The following INSR variants were observed in gnomAD, a reference collection of about 807,000 sequenced individuals.
INSR encodes the protein IR.
In INSR, 67 loss-of-function variants were observed where a neutral mutation model predicts 142.6. The observed-to-expected ratio is 0.47, with a 90% CI of 0.39 to 0.58. The LOEUF is 0.58. Ranked by LOEUF, INSR falls within the 20% of genes least tolerant of loss-of-function variation. The probability of loss-of-function intolerance (pLI) is 0.00; values close to 1 mark genes in which losing one functional copy is unlikely to be tolerated. For synonymous variants in INSR, 756 were observed against 743.1 expected (o/e 1.02, Z -0.28); for missense variants, 1,248 against 1,833.2 (o/e 0.68, Z 5.83).
intron 1 of INSR, among the ~76,000 whole-genome samples, chr19:7,290,752 T>TGAC (rs939777636): frequency 9.1e-6 from 1 of 110,210 alleles, no homozygotes; most frequent in African/African-American, 3.7e-5. Flanking sequence ...GGTGACAGAG[T>TGAC]GACACCCTGT....
chr19:7,135,794 C>T (rs544459677), intron 13 of INSR, among the ~76,000 whole-genome samples: 1 of 151,852 alleles, frequency 6.6e-6, no homozygotes, highest in South Asian at 2.1e-4. Context: ...CATGGTGAAA[C>T]CTCGTCTCTA....
chr19:7,232,718 G>A (rs1181157442), intron 2 of INSR, among the ~76,000 whole-genome samples: 1 of 151,758 alleles, frequency 6.6e-6, no homozygotes, highest in African/African-American at 2.4e-5. Flanking sequence ...GCTGAGGCAG[G>A]AGAATGGCGT....
At chr19:7,229,213 A>ATGGATGGG (rs1157543990) in intron 2 of INSR, among the ~76,000 whole-genome samples, 3 of 149,084 alleles carry the variant, frequency 2.0e-5, no homozygotes, top group African/African-American at 7.4e-5. Context: ...GGATGGATGG[A>ATGGATGGG]TGGATAATAG....
chr19:7,123,168 A>AT lies in INSR; in HGVS notation c.3259-180dup, dbSNP rs112479369. The AT allele has an allele frequency of 5.0e-3, 2,427 of 481,258 alleles. 3 individuals carry two copies. Among genetic ancestry groups the AT allele is most frequent in the African/African-American group, 0.011 (536 of 49,252 alleles). The allele number at this position is 481,258 out of a possible 1,614,324, so 29.8% of individuals were successfully genotyped here. Reference sequence around the variant, plus strand: ...GGACAGCAGACAGATAGGCCTTTGTATTTTTTTTTTTTTAATTTTCGAGAC... The same window carrying AT: ...GGACAGCAGACAGATAGGCCTTTGTATTTTTTTTTTTTTTAATTTTCGAGAC... On this transcript the variant is annotated intron_variant, in intron 17 of 21. Coordinates refer to ENST00000302850, the MANE Select transcript of INSR (RefSeq NM_000208.4).
Position 7,208,438 on chromosome 19 carries a change from C to T in INSR, c.653-23801G>A, listed in dbSNP as rs144185962. Among the ~76,000 whole-genome samples the T allele has an allele frequency of 1.8e-3, 277 of 152,190 alleles. 2 individuals are homozygous for T. Among genetic ancestry groups the T allele is most frequent in the Admixed American group, 2.7e-3 (41 of 15,278 alleles). ...CTTAGCAACCGGAAAAAAAAAATCCCTGAAAAATTAAACAGCAGATACCCA... is the reference window on the plus strand; with the variant it reads ...CTTAGCAACCGGAAAAAAAAAATCCTTGAAAAATTAAACAGCAGATACCCA... On this transcript the variant is annotated intron_variant, in intron 2 of 21. Coordinates refer to ENST00000302850, the MANE Select transcript of INSR (RefSeq NM_000208.4).
Position 7,124,541 on chromosome 19 carries a change from GAAAAAAAAAAAAAAAAAAAAAAAA to G in INSR, c.3258+718_3258+741del, listed in dbSNP as rs531613079. On this transcript the variant is annotated intron_variant, in intron 17 of 21. Coordinates refer to ENST00000302850, the MANE Select transcript of INSR (RefSeq NM_000208.4). ...ACAACAAAGCGAGACTCCGTTTCAG[GAAAAAAAAAAAAAAAAAAAAAAAA>G]AAAAAAAAAAAAAAAAAAAAAAAAT... Among the ~76,000 whole-genome samples, 12 of 9,922 alleles carry G rather than the reference GAAAAAAAAAAAAAAAAAAAAAAAA, an allele frequency of 1.2e-3. 1 individual carries two copies. The highest frequency in any genetic ancestry group is 2.2e-3 in the Admixed American group (1 of 446). 6.5% of individuals were successfully genotyped at this position (9,922 alleles called of 152,430 possible). A position where few individuals can be genotyped will look rare whatever the true frequency, so the allele number is the denominator to read the frequency against.
intron 1 of INSR, chr19:7,268,578 A>C (rs776732850): frequency 1.0e-6 from 1 of 985,076 alleles, no homozygotes; most frequent in African/African-American, 1.7e-5. Context: ...GCACACCACT[A>C]AACAGGCCTG....
chr19:7,257,517 CAGAG>C (rs1976932329), intron 2 of INSR, among the ~76,000 whole-genome samples: 1 of 115,544 alleles, frequency 8.7e-6, no homozygotes, highest in Non-Finnish European at 1.8e-5. Flanking sequence ...TCCACCCAAA[CAGAG>C]AGCTCCAAAA....
At chr19:7,134,530 G>A (rs1289698496) in intron 13 of INSR, among the ~76,000 whole-genome samples, 1 of 152,000 alleles carries the variant, frequency 6.6e-6, no homozygotes, top group East Asian at 1.9e-4. Context: ...ACTTTCAGGG[G>A]CCAAGGCGGG....
At chr19:7,181,662 T>C (rs1454436611) in intron 3 of INSR, among the ~76,000 whole-genome samples, 1 of 151,208 alleles carries the variant, frequency 6.6e-6, no homozygotes, top group East Asian at 2.0e-4. Flanking sequence ...CTCTGCCTCC[T>C]GGGTTCAAGC....
chr19:7,217,056 C>T (rs1436643205), intron 2 of INSR, among the ~76,000 whole-genome samples: 2 of 149,868 alleles, frequency 1.3e-5, no homozygotes, highest in Non-Finnish European at 3.0e-5. Flanking sequence ...TGGTCTCAAA[C>T]TCCTAGCCTC....
At chr19:7,259,976 A>G (rs1259935045) in intron 2 of INSR, among the ~76,000 whole-genome samples, 1 of 152,110 alleles carries the variant, frequency 6.6e-6, no homozygotes, top group Non-Finnish European at 1.5e-5. Flanking sequence ...TCCCATCTCA[A>G]TTTAAAAAAA....
intron 2 of INSR, among the ~76,000 whole-genome samples, chr19:7,194,333 C>T (rs1974679355): frequency 6.6e-6 from 1 of 151,756 alleles, no homozygotes; most frequent in Non-Finnish European, 1.5e-5. Flanking sequence ...AGGAGAATTG[C>T]TTGAACCCAG....
At chr19:7,153,212 AC>A (rs1326719478) in intron 9 of INSR, among the ~76,000 whole-genome samples, 2 of 49,138 alleles carry the variant, frequency 4.1e-5, no homozygotes, top group Admixed American at 2.0e-4. Context: ...CACACCACAC[AC>A]CACACACACG....
At chr19:7,248,904 C>A (rs1234696032) in intron 2 of INSR, among the ~76,000 whole-genome samples, 1 of 151,902 alleles carries the variant, frequency 6.6e-6, no homozygotes, top group African/African-American at 2.4e-5. Context: ...GGACTACAGG[C>A]ATGCGCCACC....
At chr19:7,124,670 T>C (rs927626017) in intron 17 of INSR, among the ~76,000 whole-genome samples, 1 of 133,838 alleles carries the variant, frequency 7.5e-6, no homozygotes, top group African/African-American at 2.8e-5. Context: ...TTTTGGAGTC[T>C]GTCTCCGCCT....
At chr19:7,171,957 G>T (rs148958845) in intron 5 of INSR, among the ~76,000 whole-genome samples, 113 of 146,366 alleles carry the variant, frequency 7.7e-4, no homozygotes, top group Non-Finnish European at 1.4e-3. Context: ...TGTCACCCAG[G>T]CTGGAGTGCA....
rs1307134001 is a variant in INSR at position 7,166,631 on chromosome 19, G to C, written c.1611-227C>G. On this transcript the variant is annotated intron_variant, in intron 7 of 21. Coordinates refer to ENST00000302850, the MANE Select transcript of INSR (RefSeq NM_000208.4). The surrounding 1 kb of genome is among the most constrained non-coding windows in gnomAD (Gnocchi z 4.1). ...TGGGCATCCCTTATTCAAAACACTTGAGACTTGGCCAAGTGCAGTGGCTCA... is the reference window on the plus strand; with the variant it reads ...TGGGCATCCCTTATTCAAAACACTTCAGACTTGGCCAAGTGCAGTGGCTCA... Among the ~76,000 whole-genome samples the C allele has an allele frequency of 6.6e-6, 1 of 152,096 alleles. No homozygotes were observed. The highest frequency in any genetic ancestry group is 2.4e-5 in the African/African-American group (1 of 41,432).
chr19:7,191,923 A>G (rs1017954847), intron 2 of INSR, among the ~76,000 whole-genome samples: 2 of 133,184 alleles, frequency 1.5e-5, no homozygotes, highest in African/African-American at 5.1e-5. Context: ...AGACAGAAAG[A>G]AGGAGGGAAG....
Sources: allele counts gnomAD v4.1 joint callset (sites outside exome capture counted in the v4.1 genomes callset), GRCh38; gene constraint gnomAD v4.1.1; non-coding constraint Gnocchi (gnomAD v3.1); transcripts MANE v1.5; gene names NCBI Gene and HGNC (gene_info 2026-07-23, HGNC 2026-07-21).